The following POFUT3 variants were observed in gnomAD, a reference collection of about 807,000 sequenced individuals.
POFUT3 encodes the protein GDP-fucose protein O-fucosyltransferase 3.
the POFUT3 span, among the ~76,000 whole-genome samples, chr8:33,417,427 A>C: frequency 6.6e-6 from 1 of 152,088 alleles, no homozygotes; most frequent in East Asian, 1.9e-4. Context: ...TCTGTGGAAA[A>C]ATTGTTGTTG....
At chr8:33,405,948 A>C in the POFUT3 span, among the ~76,000 whole-genome samples, 1 of 152,206 alleles carries the variant, frequency 6.6e-6, no homozygotes, top group South Asian at 2.1e-4. Context: ...TCAAACTTGG[A>C]GGGAAAACTG....
chr8:33,420,798 T>C, the POFUT3 span, among the ~76,000 whole-genome samples: 1 of 152,070 alleles, frequency 6.6e-6, no homozygotes, highest in African/African-American at 2.4e-5. Flanking sequence ...CAGAAGGATA[T>C]TGAACATTCC....
chr8:33,389,527 A>G, the POFUT3 span: 1 of 1,614,198 alleles, frequency 6.2e-7, no homozygotes, highest in Non-Finnish European at 8.5e-7. Flanking sequence ...CTGACTGTAC[A>G]TACACCAGCG....
At chr8:33,403,899 G>C in the POFUT3 span, among the ~76,000 whole-genome samples, 1 of 152,098 alleles carries the variant, frequency 6.6e-6, no homozygotes. Context: ...CTCCAGTCAT[G>C]CCAAGGGCAG....
the POFUT3 span, among the ~76,000 whole-genome samples, chr8:33,387,458 T>C: frequency 2.0e-5 from 3 of 152,186 alleles, no homozygotes; most frequent in East Asian, 5.8e-4. Context: ...AAAATTCATA[T>C]AATAACCAAA....
the POFUT3 span, among the ~76,000 whole-genome samples, chr8:33,317,724 C>T: frequency 6.6e-6 from 1 of 152,040 alleles, no homozygotes; most frequent in Admixed American, 6.6e-5. Flanking sequence ...AGCAAAACTT[C>T]AGTGTGGATG....
chr8:33,467,272 CAAAAAAAAAAAA>C, the POFUT3 span, among the ~76,000 whole-genome samples: 1 of 73,452 alleles, frequency 1.4e-5, no homozygotes, highest in South Asian at 6.6e-4. Context: ...GACTCTGTCT[CAAAAAAAAAAAA>C]AAAAAAAAAA....
chr8:33,419,556 G>A, the POFUT3 span, among the ~76,000 whole-genome samples: 1 of 152,220 alleles, frequency 6.6e-6, no homozygotes, highest in Non-Finnish European at 1.5e-5. Flanking sequence ...CTGCTGTGCA[G>A]CCTGGTTCCT....
the POFUT3 span, among the ~76,000 whole-genome samples, chr8:33,380,137 C>CTA: frequency 3.5e-5 from 2 of 56,468 alleles, no homozygotes; most frequent in Non-Finnish European, 5.6e-5. Context: ...TATATATATA[C>CTA]TATATATATA....
At chr8:33,325,524 A>C in the POFUT3 span, among the ~76,000 whole-genome samples, 1 of 152,300 alleles carries the variant, frequency 6.6e-6, no homozygotes, top group Non-Finnish European at 1.5e-5. Flanking sequence ...AGCTCACTGA[A>C]ATGTAAATAG....
chr8:33,354,933 G>T, the POFUT3 span, among the ~76,000 whole-genome samples: 2 of 152,206 alleles, frequency 1.3e-5, no homozygotes, highest in East Asian at 3.9e-4. Context: ...TTACCATAGC[G>T]GCACTTCCGA....
the POFUT3 span, among the ~76,000 whole-genome samples, chr8:33,326,040 G>C: frequency 1.3e-5 from 2 of 152,160 alleles, no homozygotes; most frequent in Admixed American, 1.3e-4. Context: ...TGGGACTGCT[G>C]GAGTCAGGTC....
At chr8:33,379,226 C>G in the POFUT3 span, among the ~76,000 whole-genome samples, 1 of 151,918 alleles carries the variant, frequency 6.6e-6, no homozygotes. Context: ...TTATAAATAC[C>G]CAGTCTTGGT....
the POFUT3 span, among the ~76,000 whole-genome samples, chr8:33,313,286 C>T: frequency 6.6e-6 from 1 of 152,132 alleles, no homozygotes; most frequent in African/African-American, 2.4e-5. Context: ...ACAGTACTTG[C>T]TTGCACAAAC....
chr8:33,335,637 C>A, the POFUT3 span, among the ~76,000 whole-genome samples: 1 of 152,066 alleles, frequency 6.6e-6, no homozygotes, highest in African/African-American at 2.4e-5. Flanking sequence ...CTTTTGACTC[C>A]CCAAAAACTT....
the POFUT3 span, among the ~76,000 whole-genome samples, chr8:33,369,110 G>C: frequency 3.9e-5 from 6 of 152,096 alleles, no homozygotes; most frequent in South Asian, 1.2e-3. Context: ...CAAACACAAA[G>C]GGTAATGACC....
the POFUT3 span, among the ~76,000 whole-genome samples, chr8:33,315,510 G>T: frequency 6.6e-6 from 1 of 152,154 alleles, no homozygotes; most frequent in African/African-American, 2.4e-5. Context: ...GTGAGAAGTT[G>T]AGAGAACTGT....
the POFUT3 span, among the ~76,000 whole-genome samples, chr8:33,331,476 A>C: frequency 1.3e-5 from 2 of 152,130 alleles, no homozygotes; most frequent in Admixed American, 1.3e-4. Context: ...TTGAAAGATA[A>C]ATTCATCAAG....
At chr8:33,392,819 A>G in the POFUT3 span, among the ~76,000 whole-genome samples, 1 of 151,994 alleles carries the variant, frequency 6.6e-6, no homozygotes, top group East Asian at 1.9e-4. Context: ...CCCCGTTTCT[A>G]CTAAAAATTC....
Sources: gnomAD v4.1 joint callset for allele counts (sites outside exome capture counted in the v4.1 genomes callset) on GRCh38, gnomAD v4.1.1 for gene constraint, MANE v1.5 for transcripts, NCBI Gene and HGNC (gene_info 2026-07-23, HGNC 2026-07-21) for gene names.